Variants in DPP10 observed in about 807,000 individuals in gnomAD.
DPP10 encodes inactive dipeptidyl peptidase 10.
Under a neutral mutation model 120.9 loss-of-function variants are expected in DPP10, and 33 were observed. That is an observed-to-expected ratio of 0.27 (90% CI 0.21 to 0.37). The LOEUF (loss-of-function observed/expected upper bound fraction) is 0.37, where lower values mean the gene tolerates loss of function less well. Ranked by LOEUF, DPP10 falls within the 10% of genes least tolerant of loss-of-function variation. The pLI is 1.00. For missense variants in DPP10, 816 were observed against 942.8 expected, an observed-to-expected ratio of 0.87 and a Z score of 1.76; for synonymous variants, 337 against 326.1, an observed-to-expected ratio of 1.03 and a Z score of -0.36.
intron 1 of DPP10, among the ~76,000 whole-genome samples, chr2:115,153,332 T>C (rs1049308188): frequency 1.3e-5 from 2 of 152,170 alleles, no homozygotes; most frequent in Non-Finnish European, 2.9e-5. Context: ...TTACTTACTG[T>C]TGGAATGCAC....
chr2:115,666,724 T>C (rs147862208), intron 5 of DPP10, among the ~76,000 whole-genome samples: 1 of 152,274 alleles, frequency 6.6e-6, no homozygotes, highest in Non-Finnish European at 1.5e-5. Flanking sequence ...AACAGACGTG[T>C]TCCTCTGTCT....
In DPP10 at chr2:115,181,317, C is replaced by T. The variant is rs552318286; in HGVS notation, c.61-127922C>T. 7.9e-5 allele frequency among the ~76,000 whole-genome samples: 12 copies of T among 152,268 alleles called. No homozygotes were observed. The South Asian group carries it at 2.3e-3, about 29-fold the overall frequency. ...CTTCATATCATATCACTCCCTTATT[C>T]GGTGGCTTAAAACAACGATTTTATT... On this transcript the variant is annotated intron_variant, in intron 1 of 25. Coordinates refer to ENST00000410059, the MANE Select transcript of DPP10 (RefSeq NM_020868.6).
At chr2:114,979,820 A>G (rs1225153429) in intron 1 of DPP10, among the ~76,000 whole-genome samples, 2 of 152,112 alleles carry the variant, frequency 1.3e-5, no homozygotes, top group African/African-American at 2.4e-5. Flanking sequence ...ATACAATTTT[A>G]ATTATGTAGA....
intron 1 of DPP10, among the ~76,000 whole-genome samples, chr2:114,595,646 A>T (rs888763092): frequency 8.5e-5 from 13 of 152,250 alleles, no homozygotes; most frequent in African/African-American, 3.1e-4. Flanking sequence ...GGAGGATGGG[A>T]AAGCATAAGA....
At chr2:115,765,420 G>A (rs1680595420) in intron 12 of DPP10, among the ~76,000 whole-genome samples, 1 of 152,080 alleles carries the variant, frequency 6.6e-6, no homozygotes, top group South Asian at 2.1e-4. Flanking sequence ...CCAATTATGA[G>A]TTGGGACCTA....
chr2:115,091,819 T>C (rs1052746880), intron 1 of DPP10, among the ~76,000 whole-genome samples: 60 of 152,354 alleles, frequency 3.9e-4, no homozygotes, highest in African/African-American at 1.1e-3. Context: ...GCCTCTGCAT[T>C]GGGCTTTATA....
chr2:115,577,591 T>C (rs946702393), intron 5 of DPP10, among the ~76,000 whole-genome samples: 3 of 152,298 alleles, frequency 2.0e-5, no homozygotes, highest in South Asian at 2.1e-4. Context: ...GTACTGTCGA[T>C]TGGGTGGCTT....
intron 1 of DPP10, among the ~76,000 whole-genome samples, chr2:115,297,645 CT>C (rs147525624): frequency 5.3e-5 from 8 of 152,040 alleles, no homozygotes; most frequent in African/African-American, 1.9e-4. Flanking sequence ...CTCTACTCTC[CT>C]TGTGGACAAG....
chr2:114,449,706 C>T (rs536314652), intron 1 of DPP10, among the ~76,000 whole-genome samples: 1 of 151,836 alleles, frequency 6.6e-6, no homozygotes, highest in Non-Finnish European at 1.5e-5. Flanking sequence ...AATTATCTGC[C>T]CAAACAAAAA....
intron 1 of DPP10, among the ~76,000 whole-genome samples, chr2:114,755,834 A>T (rs1431114022): frequency 6.6e-6 from 1 of 151,946 alleles, no homozygotes; most frequent in African/African-American, 2.4e-5. Flanking sequence ...TTTTTTCCTC[A>T]GTTTGTTCTT....
chr2:114,646,216 A>G (rs1008297634), intron 1 of DPP10, among the ~76,000 whole-genome samples: 1 of 151,438 alleles, frequency 6.6e-6, no homozygotes, highest in Non-Finnish European at 1.5e-5. Context: ...AGAGGGGATC[A>G]AAAGCACTAG....
chr2:115,662,160 C>T (rs2089039200), intron 5 of DPP10, among the ~76,000 whole-genome samples: 1 of 152,124 alleles, frequency 6.6e-6, no homozygotes, highest in Admixed American at 6.6e-5. Context: ...GCTTAATGAC[C>T]TTCAGGTTTA....
chr2:115,549,798 G>A (rs139398147), intron 5 of DPP10, among the ~76,000 whole-genome samples: 3 of 152,114 alleles, frequency 2.0e-5, no homozygotes, highest in Non-Finnish European at 4.4e-5. Context: ...TGATATGCAA[G>A]CTCTGGCTTG....
intron 1 of DPP10, among the ~76,000 whole-genome samples, chr2:114,828,240 T>C (rs1686740853): frequency 6.6e-6 from 1 of 152,168 alleles, no homozygotes; most frequent in African/African-American, 2.4e-5. Context: ...CCCCGTCTCG[T>C]CTGATAATGG....
chr2:115,272,796 G>A (rs189667189), intron 1 of DPP10, among the ~76,000 whole-genome samples: 54 of 152,302 alleles, frequency 3.5e-4, no homozygotes, highest in East Asian at 1.5e-3. Flanking sequence ...CTTTTTCTGC[G>A]GGCTGCGCTG....
intron 1 of DPP10, among the ~76,000 whole-genome samples, chr2:114,682,329 A>C (rs922212727): frequency 6.6e-6 from 1 of 152,000 alleles, no homozygotes; most frequent in East Asian, 1.9e-4. Flanking sequence ...CAAGGATTCA[A>C]GTTCCAGCTG....
chr2:115,469,884 G>GAAAAAAGA (rs2074576573), intron 3 of DPP10, among the ~76,000 whole-genome samples: 1 of 75,556 alleles, frequency 1.3e-5, no homozygotes, highest in African/African-American at 5.1e-5. Flanking sequence ...GGCAACAAGA[G>GAAAAAAGA]AAAAAAAAAA....
Position 115,172,063 on chromosome 2 carries a change from C to G in DPP10, c.61-137176C>G, listed in dbSNP as rs17044157. ...AGCAACTGCTGATATCTACACACAGCATCTGAAATTGCAACTCCCAGCAAT... is the reference window on the plus strand; with the variant it reads ...AGCAACTGCTGATATCTACACACAGGATCTGAAATTGCAACTCCCAGCAAT... On this transcript the variant is annotated intron_variant, in intron 1 of 25. Transcript: ENST00000410059. Among the ~76,000 whole-genome samples, 1,585 of 152,306 alleles carry G rather than the reference C, an allele frequency of 0.01. 91 individuals are homozygous for G. In the East Asian group the frequency reaches 0.15, roughly 15 times the overall value.
chr2:115,695,071 G>T (rs2149513448), intron 7 of DPP10, among the ~76,000 whole-genome samples: 1 of 152,252 alleles, frequency 6.6e-6, no homozygotes, highest in Admixed American at 6.5e-5. Flanking sequence ...AAAGGCCAGT[G>T]CCCTTTCCTA....
Sources: gnomAD v4.1 joint callset for allele counts (sites outside exome capture counted in the v4.1 genomes callset) on GRCh38, gnomAD v4.1.1 for gene constraint, MANE v1.5 for transcripts, NCBI Gene and HGNC (gene_info 2026-07-23, HGNC 2026-07-21) for gene names.